The following MAD1L1 variants were observed in gnomAD, a reference collection of about 807,000 sequenced individuals.
MAD1L1 encodes mitotic arrest deficient 1 like 1, also known as mitotic spindle assembly checkpoint protein MAD1.
Under a neutral mutation model 96.9 loss-of-function variants are expected in MAD1L1, and 95 were observed. The ratio of observed to expected loss-of-function variants is 0.98; its 90% CI spans 0.83 to 1.16. The LOEUF is 1.16. Among genes scored for constraint, MAD1L1 ranks in the 50% most tolerant of loss-of-function variants. The probability of loss-of-function intolerance (pLI) is 0.00; values close to 1 mark genes in which losing one functional copy is unlikely to be tolerated. For synonymous variants in MAD1L1, 473 were observed against 396.6 expected (o/e 1.19, Z -2.29); for missense variants, 1,007 against 954.4 (o/e 1.06, Z -0.73).
At chr7:2,184,611 C>A (rs1379389147) in intron 10 of MAD1L1, among the ~76,000 whole-genome samples, 1 of 152,186 alleles carries the variant, frequency 6.6e-6, no homozygotes, top group Non-Finnish European at 1.5e-5. Context: ...TGTGAATTAA[C>A]CACAGCTATA....
chr7:2,028,159 C>T (rs1302885435), intron 12 of MAD1L1, among the ~76,000 whole-genome samples: 2 of 152,076 alleles, frequency 1.3e-5, no homozygotes, highest in Non-Finnish European at 2.9e-5. Flanking sequence ...GGCGCGGTGA[C>T]TCACGCCTGT....
chr7:2,147,276 CGGGAG>C (rs2128578936), intron 11 of MAD1L1, among the ~76,000 whole-genome samples: 1 of 152,314 alleles, frequency 6.6e-6, no homozygotes, highest in Admixed American at 6.5e-5. Context: ...CAAGAGGGAC[CGGGAG>C]CTCCAACCTC....
rs868306905 is a variant in MAD1L1 at position 1,885,641 on chromosome 7, C to T, written c.1998+12559G>A. Among the ~76,000 whole-genome samples, 12 of 152,326 alleles carry T rather than the reference C, an allele frequency of 7.9e-5. No homozygotes were observed. The South Asian group carries it at 1.0e-3, about 13-fold the overall frequency. The stretch of plus-strand genomic sequence containing the variant: ...TGTCCGGCCTTCAACCCCCCAGTTC[C>T]GTCCACCTCTGGCTAAGAGCTGTTG... On this transcript the variant is annotated intron_variant, in intron 18 of 18. Coordinates refer to ENST00000265854, the MANE Select transcript of MAD1L1 (RefSeq NM_001013836.2).
intron 18 of MAD1L1, among the ~76,000 whole-genome samples, chr7:1,842,389 A>G (rs1783317249): frequency 6.6e-6 from 1 of 152,190 alleles, no homozygotes; most frequent in Non-Finnish European, 1.5e-5. Context: ...TGCCTCCAGG[A>G]GCCCGGCCTC....
intron 13 of MAD1L1, among the ~76,000 whole-genome samples, chr7:2,008,240 G>A (rs871925): frequency 0.56 from 85,452 of 152,132 alleles, 24,414 homozygotes; most frequent in Middle Eastern, 0.72. Flanking sequence ...AGCAGCTCCC[G>A]CAGGGCCTCA....
intron 12 of MAD1L1, among the ~76,000 whole-genome samples, chr7:2,040,479 G>A (rs11763750): frequency 0.17 from 25,333 of 152,202 alleles, 2,674 homozygotes; most frequent in Middle Eastern, 0.3. Flanking sequence ...ATGGGCAGAT[G>A]GGCAGTTCCT....
At chr7:1,955,514 C>G (rs1025402529) in intron 16 of MAD1L1, among the ~76,000 whole-genome samples, 5 of 152,228 alleles carry the variant, frequency 3.3e-5, no homozygotes, top group Admixed American at 2.6e-4. Flanking sequence ...TGGCCTTGAG[C>G]TCCTGACCTC....
In MAD1L1 at chr7:1,993,786, C is replaced by G. The variant is rs1781445968; in HGVS notation, c.1416+8279G>C. 1.3e-5 allele frequency among the ~76,000 whole-genome samples: 2 copies of G among 152,240 alleles called. 1 individual carries two copies. On this transcript the variant is annotated intron_variant, in intron 14 of 18. Transcript: ENST00000265854. ...GTAAAAACTGAAAAGGCTGGGTCCT[C>G]ACACTGGGAAAGGGGACAGAGGGAA...
intron 11 of MAD1L1, among the ~76,000 whole-genome samples, chr7:2,086,463 G>A (rs73032334): frequency 0.056 from 8,603 of 152,342 alleles, 354 homozygotes; most frequent in Non-Finnish European, 0.089. Flanking sequence ...CAGCACAGCC[G>A]GCTGGGGACG....
intron 9 of MAD1L1, 43 bp downstream of exon 9, chr7:2,215,842 G>T: frequency 6.4e-7 from 1 of 1,565,826 alleles, no homozygotes; most frequent in African/African-American, 1.3e-5. Flanking sequence ...TCCAGGCAGG[G>T]CAGAGGACAC....
At chr7:2,189,343 G>A (rs1261505071) in intron 10 of MAD1L1, among the ~76,000 whole-genome samples, 2 of 152,218 alleles carry the variant, frequency 1.3e-5, no homozygotes, top group Non-Finnish European at 2.9e-5. Context: ...CTGCCCGCTC[G>A]TGTTCAGAGC....
rs535463953 is a variant in MAD1L1, at chr7:2,216,165, C to T, written c.801G>A (p.Ala267=). Residue 267 remains alanine (A), a synonymous_variant, in exon 8 of 19, where the codon GCG becomes GCA. Transcript: ENST00000265854. The part of the protein sequence containing the change: ...RELKQLREES[A]HLREMRETNG... ...CCCCCGCAACCCCTCACCGCAGGTG[C>T]GCGCTCTCCTCCCGCAGCTGCTTCA... The T allele has an allele frequency of 1.6e-5, 25 of 1,612,730 alleles. No homozygotes were observed. The highest frequency in any genetic ancestry group is 3.3e-4 in the Middle Eastern group (2 of 5,974).
At chr7:2,154,177 C>A (rs1789711889) in intron 10 of MAD1L1, among the ~76,000 whole-genome samples, 2 of 152,206 alleles carry the variant, frequency 1.3e-5, no homozygotes, top group South Asian at 4.2e-4. Flanking sequence ...AGAATGAGAG[C>A]CTGTCATTTG....
At chr7:1,933,688 T>C (rs939089912) in intron 17 of MAD1L1, among the ~76,000 whole-genome samples, 1 of 152,238 alleles carries the variant, frequency 6.6e-6, no homozygotes, top group African/African-American at 2.4e-5. Context: ...TACTGCACTT[T>C]AAGTATCACT....
intron 13 of MAD1L1, among the ~76,000 whole-genome samples, chr7:2,005,008 C>T (rs370544011): frequency 2.0e-5 from 3 of 152,200 alleles, no homozygotes; most frequent in Non-Finnish European, 4.4e-5. Flanking sequence ...GCACTGGTCT[C>T]GGGTACCTGG....
At chr7:1,926,411 C>T (rs766962808) in intron 17 of MAD1L1, among the ~76,000 whole-genome samples, 1 of 152,194 alleles carries the variant, frequency 6.6e-6, no homozygotes, top group Non-Finnish European at 1.5e-5. Flanking sequence ...ATACTACAAC[C>T]AGACAAGGGC....
chr7:1,956,323 G>A (rs1341852815), intron 16 of MAD1L1, among the ~76,000 whole-genome samples: 5 of 152,118 alleles, frequency 3.3e-5, no homozygotes, highest in East Asian at 1.9e-4. Context: ...TCCACAGGCC[G>A]AACCCCAGTG....
At chr7:1,986,531 G>A (rs1207376271) in intron 14 of MAD1L1, among the ~76,000 whole-genome samples, 1 of 147,366 alleles carries the variant, frequency 6.8e-6, no homozygotes, top group African/African-American at 2.5e-5. Flanking sequence ...CGGCTCCCTC[G>A]CGCCGGCAAG....
intron 12 of MAD1L1, among the ~76,000 whole-genome samples, chr7:2,044,816 T>C (rs1584172727): frequency 1.3e-5 from 2 of 152,196 alleles, no homozygotes; most frequent in African/African-American, 2.4e-5. Context: ...CAGTATGGCG[T>C]AGTCCCCCGG....
Sources: allele counts gnomAD v4.1 joint callset (sites outside exome capture counted in the v4.1 genomes callset), GRCh38; gene constraint gnomAD v4.1.1; transcripts MANE v1.5; gene names NCBI Gene and HGNC (gene_info 2026-07-23, HGNC 2026-07-21).